The following FBN1 variants were observed in gnomAD, a reference collection of about 807,000 sequenced individuals.
FBN1 encodes fibrillin-1.
Under a neutral mutation model 365.1 loss-of-function variants are expected in FBN1, and 29 were observed. The observed-to-expected ratio is 0.08, with a 90% CI of 0.06 to 0.11. The LOEUF (loss-of-function observed/expected upper bound fraction) is 0.11. Among genes scored for constraint, FBN1 ranks in the 10% least tolerant of loss-of-function variants. The probability of loss-of-function intolerance (pLI) is 1.00; values close to 1 mark genes in which losing one functional copy is unlikely to be tolerated. For missense variants in FBN1, 2,476 were observed against 3,703.2 expected (o/e 0.67, Z 8.60); for synonymous variants, 1,210 against 1,270.5 (o/e 0.95, Z 1.01).
At chr15:48,527,971 C>G (rs2043929577) in intron 8 of FBN1, among the ~76,000 whole-genome samples, 1 of 152,190 alleles carries the variant, frequency 6.6e-6, no homozygotes, top group Non-Finnish European at 1.5e-5. Flanking sequence ...CTACTTAACA[C>G]AAACAAAAAG....
intron 60 of FBN1, 75 bp from the exon 61 acceptor site, chr15:48,422,143 G>T: frequency 1.0e-6 from 1 of 1,002,720 alleles, no homozygotes; most frequent in Non-Finnish European, 1.6e-6. Flanking sequence ...CTATGAAGCA[G>T]CTCCACGTTT....
chr15:48,537,245 G>A (rs1254567961), intron 7 of FBN1, among the ~76,000 whole-genome samples: 1 of 152,070 alleles, frequency 6.6e-6, no homozygotes, highest in East Asian at 1.9e-4. Context: ...AGTTTCAAAT[G>A]AAGAAAAAAA....
rs536574208 is a variant in FBN1, at chr15:48,566,517, T to G, written c.539-28709A>C. On this transcript the variant is annotated intron_variant, in intron 6 of 65. Transcript: ENST00000316623. ...AACCTTTGAATGTTGACACTAATCT[T>G]CCTGAATCATCCAAAATTTAGTAAA... Among the ~76,000 whole-genome samples, 10 of 152,332 alleles carry G rather than the reference T, an allele frequency of 6.6e-5. No individual in the cohort carries two copies. The South Asian group carries it at 2.1e-3, about 32-fold the overall frequency.
chr15:48,571,880 G>C (rs2044308168), intron 6 of FBN1, among the ~76,000 whole-genome samples: 1 of 151,920 alleles, frequency 6.6e-6, no homozygotes, highest in South Asian at 2.1e-4. Flanking sequence ...GAAAACACAG[G>C]GTTATATAGT....
chr15:48,576,220 C>T (rs1389024070), intron 6 of FBN1, among the ~76,000 whole-genome samples: 2 of 152,216 alleles, frequency 1.3e-5, no homozygotes, highest in Non-Finnish European at 2.9e-5. Context: ...TGCCGTTTCC[C>T]TGACAACGTT....
At chr15:48,623,820 C>G (rs1215653301) in intron 2 of FBN1, among the ~76,000 whole-genome samples, 1 of 152,186 alleles carries the variant, frequency 6.6e-6, no homozygotes, top group Admixed American at 6.5e-5. Flanking sequence ...GTACCCTCAA[C>G]TTTTCATGGA....
At chr15:48,475,246 T>A (rs189202601) in intron 32 of FBN1, among the ~76,000 whole-genome samples, 130 of 152,320 alleles carry the variant, frequency 8.5e-4, no homozygotes, top group African/African-American at 3.0e-3. Context: ...AGCCATCTTT[T>A]CCCTAGCTTC....
At position 48,428,285 on chromosome 15, in the gene FBN1, G is replaced by A; in HGVS notation, c.6997+61C>T. The A allele has an allele frequency of 2.5e-6, 4 of 1,591,746 alleles. No individual in the cohort carries two copies. In the South Asian group the frequency reaches 3.3e-5, roughly 13 times the overall value. Reference sequence around the variant, plus strand: ...TCTTGTATTTTAAATAAGAAGTCTGGGTTTCCAGCATCCCAGTGTGGAGGC... The same window carrying A: ...TCTTGTATTTTAAATAAGAAGTCTGAGTTTCCAGCATCCCAGTGTGGAGGC... On this transcript the variant is annotated intron_variant, in intron 57 of 65. Transcript: ENST00000316623.
chr15:48,617,028 C>A (rs1474032075), intron 2 of FBN1, among the ~76,000 whole-genome samples: 1 of 152,098 alleles, frequency 6.6e-6, no homozygotes, highest in Non-Finnish European at 1.5e-5. Flanking sequence ...GCTCTCCTAA[C>A]CTTATGTTAA....
In FBN1 at chr15:48,441,893, A is replaced by G. The variant is rs749899997; in HGVS notation, c.6038-47T>C. On this transcript the variant is annotated intron_variant, in intron 49 of 65. Coordinates refer to ENST00000316623, the MANE Select transcript of FBN1 (RefSeq NM_000138.5). The stretch of plus-strand genomic sequence containing the variant: ...AACAAAGTCAAAACACGATGGAGAC[A>G]TCATCAGGTACCAAACACACAATGT... 6.2e-6 allele frequency: 10 copies of G among 1,604,556 alleles called. No homozygotes were observed. In the Admixed American group the frequency reaches 6.7e-5, roughly 11 times the overall value.
At chr15:48,594,676 A>G (rs2044503771) in intron 6 of FBN1, among the ~76,000 whole-genome samples, 1 of 152,222 alleles carries the variant, frequency 6.6e-6, no homozygotes, top group Non-Finnish European at 1.5e-5. Context: ...TATCATCAAT[A>G]TCAACTATGA....
At chr15:48,520,947 G>A (rs542363459) in intron 9 of FBN1, 130 bp from the exon 10 acceptor site, 37 of 1,256,688 alleles carry the variant, frequency 2.9e-5, no homozygotes, top group African/African-American at 1.2e-4. Flanking sequence ...TCTGCCCCCC[G>A]GAAGGGAAGC....
At chr15:48,448,686 T>C (rs1597535073) in intron 46 of FBN1, 82 bp downstream of exon 46, 1 of 1,352,270 alleles carries the variant, frequency 7.4e-7, no homozygotes, top group Non-Finnish European at 1.0e-6. Context: ...CTAAAAGACT[T>C]AGTATTAAAT....
At chr15:48,467,637 C>A (rs2043333367) in intron 38 of FBN1, among the ~76,000 whole-genome samples, 1 of 152,190 alleles carries the variant, frequency 6.6e-6, no homozygotes, top group Non-Finnish European at 1.5e-5. Flanking sequence ...GAGAGATAAT[C>A]AATGTGTCCC....
chr15:48,417,002 T>C (rs2042907432), intron 63 of FBN1, among the ~76,000 whole-genome samples: 1 of 152,216 alleles, frequency 6.6e-6, no homozygotes, highest in Non-Finnish European at 1.5e-5. Context: ...GTTTTACAGC[T>C]GAAGAAAGTG....
chr15:48,421,328 G>C (rs1352071089), intron 62 of FBN1, among the ~76,000 whole-genome samples: 1 of 152,084 alleles, frequency 6.6e-6, no homozygotes, highest in Admixed American at 6.5e-5. Context: ...TAAAAACTTA[G>C]CAGAAAAAGT....
intron 2 of FBN1, among the ~76,000 whole-genome samples, chr15:48,616,297 T>C (rs71394949): frequency 0.13 from 19,745 of 152,258 alleles, 1,359 homozygotes; most frequent in Non-Finnish European, 0.15. Flanking sequence ...ACAATGATTG[T>C]TTTAATTGTG....
chr15:48,487,213 TA>T lies in FBN1; in HGVS notation c.3464-14del, dbSNP rs1488885448. 1 of 1,613,834 alleles carries T rather than the reference TA, an allele frequency of 6.2e-7. No individual in the cohort carries two copies. Among genetic ancestry groups the T allele is most frequent in the Non-Finnish European group, 8.5e-7 (1 of 1,180,008 alleles). ...CATTCATTGATGTCTGTCGGGAAAA[TA>T]AGAAGAACAAACACCCAAACATAAG... On this transcript the variant is annotated splice_polypyrimidine_tract_variant and intron_variant, in intron 28 of 65. Transcript: ENST00000316623.
chr15:48,443,640 G>A (rs1316280890), intron 49 of FBN1, among the ~76,000 whole-genome samples: 1 of 152,170 alleles, frequency 6.6e-6, no homozygotes, highest in African/African-American at 2.4e-5. Flanking sequence ...AATTCTCATT[G>A]TGGATTAGAT....
Sources: gnomAD v4.1 joint callset for allele counts (sites outside exome capture counted in the v4.1 genomes callset) on GRCh38, gnomAD v4.1.1 for gene constraint, MANE v1.5 for transcripts, NCBI Gene and HGNC (gene_info 2026-07-23, HGNC 2026-07-21) for gene names.